HIVEP3: variants seen among roughly 807,000 people sequenced by gnomAD.
HIVEP3 encodes the protein HIVEP zinc finger 3.
Under a neutral mutation model 152.8 loss-of-function variants are expected in HIVEP3, and 49 were observed. That is an observed-to-expected ratio of 0.32 (90% CI 0.26 to 0.41). The LOEUF is 0.41. Ranked by LOEUF, HIVEP3 falls within the 10% of genes least tolerant of loss-of-function variation. The pLI, the probability that HIVEP3 is intolerant of heterozygous loss-of-function variation, is 1.00. For synonymous variants in HIVEP3, 1,269 were observed against 1,289.0 expected (o/e 0.98, Z 0.33); for missense variants, 2,790 against 3,103.3 (o/e 0.90, Z 2.40).
chr1:41,724,220 G>A (rs950002067), intron 1 of HIVEP3, among the ~76,000 whole-genome samples: 4 of 152,148 alleles, frequency 2.6e-5, no homozygotes, highest in Non-Finnish European at 5.9e-5. Flanking sequence ...ATAAACTCTA[G>A]GTTAAAAGTG....
intron 1 of HIVEP3, among the ~76,000 whole-genome samples, chr1:41,872,296 C>G (rs979273268): frequency 1.3e-5 from 2 of 152,106 alleles, no homozygotes; most frequent in Non-Finnish European, 2.9e-5. Flanking sequence ...TACAGAGTGG[C>G]GGGATTGGTT....
At chr1:41,813,722 AAGG>A (rs1651100769) in intron 1 of HIVEP3, among the ~76,000 whole-genome samples, 1 of 152,180 alleles carries the variant, frequency 6.6e-6, no homozygotes, top group Non-Finnish European at 1.5e-5. Context: ...GAGACCATTA[AAGG>A]AGAAGAGCTG....
rs746484875 is a variant in HIVEP3, at chr1:41,580,114, G to A, written c.4684C>T (p.Leu1562Phe). The A allele has an allele frequency of 5.6e-6, 9 of 1,614,230 alleles. 1 individual carries two copies. In the South Asian group the frequency reaches 8.8e-5, roughly 16 times the overall value. Residue 1562 changes from leucine (L) to phenylalanine (F), a missense_variant, in exon 4 of 9, where the codon CTC (leucine) becomes TTC (phenylalanine). Physicochemically the swap from Leu to Phe is conservative, Grantham distance 22. Transcript: ENST00000372583. ...GAGCTCGGAGGTGCCAAGGAGGGGA[G>A]ATCAGGTTGTTCCTTGGAATCTTCT... Reference protein sequence around the residue: ...KKEDSKEQPDLPSLAPPSSLP... With the variant: ...KKEDSKEQPDFPSLAPPSSLP...
At chr1:41,955,501 A>G (rs980880344) in intron 1 of HIVEP3, among the ~76,000 whole-genome samples, 1 of 152,184 alleles carries the variant, frequency 6.6e-6, no homozygotes, top group Non-Finnish European at 1.5e-5. Context: ...CACACAAAAA[A>G]AAACCCCTCA....
intron 5 of HIVEP3, among the ~76,000 whole-genome samples, chr1:41,540,537 G>A (rs1643504398): frequency 6.6e-6 from 1 of 152,136 alleles, no homozygotes; most frequent in Admixed American, 6.5e-5. Context: ...GATAGAGAAG[G>A]CATTCTAATT....
intron 2 of HIVEP3, among the ~76,000 whole-genome samples, chr1:41,681,469 G>C (rs1646037785): frequency 6.6e-6 from 1 of 152,214 alleles, no homozygotes; most frequent in Admixed American, 6.5e-5. Context: ...GAACTAAAAT[G>C]AGATGTGCCC....
chr1:42,023,894 TATCCATGA>T (rs1645568217), intron 1 of HIVEP3, among the ~76,000 whole-genome samples: 1 of 152,240 alleles, frequency 6.6e-6, no homozygotes, highest in Admixed American at 6.5e-5. Context: ...TTTCATGTCA[TATCCATGA>T]ATCCCAGTAC....
chr1:42,032,263 G>A (rs1269511398), intron 1 of HIVEP3, among the ~76,000 whole-genome samples: 1 of 152,154 alleles, frequency 6.6e-6, no homozygotes, highest in Non-Finnish European at 1.5e-5. Flanking sequence ...TTCCAATTCT[G>A]TATTTAAGAC....
At chr1:41,900,386 A>G (rs1644600657) in intron 1 of HIVEP3, among the ~76,000 whole-genome samples, 1 of 152,214 alleles carries the variant, frequency 6.6e-6, no homozygotes, top group African/African-American at 2.4e-5. Flanking sequence ...CATCCAGTGG[A>G]GGGAAGAGGA....
chr1:41,690,619 C>T (rs1389550108), intron 2 of HIVEP3, among the ~76,000 whole-genome samples: 1 of 152,162 alleles, frequency 6.6e-6, no homozygotes, highest in Non-Finnish European at 1.5e-5. Flanking sequence ...ATATTGTTGG[C>T]TGAAAGCATG....
At chr1:42,009,932 A>AAAAC (rs903711340) in intron 1 of HIVEP3, among the ~76,000 whole-genome samples, 4 of 152,170 alleles carry the variant, frequency 2.6e-5, no homozygotes, top group Admixed American at 6.5e-5. Flanking sequence ...TGTCCTTTTA[A>AAAAC]AAACAAACAA....
At position 41,510,751 on chromosome 1, in the gene HIVEP3, G is replaced by T. The variant is rs74943337; in HGVS notation, c.6921C>A (p.Ser2307Arg). Reference sequence around the variant, plus strand: ...GCAAGGTGTCGGGTGGGGTGCAGGGGCTGTGCGTGGGTGTGGGCTCTGCAG... The same window carrying T: ...GCAAGGTGTCGGGTGGGGTGCAGGGTCTGTGCGTGGGTGTGGGCTCTGCAG... ...GAPAEPTPTHSPCTPPDTLPR... is the reference protein window; with the variant it reads ...GAPAEPTPTHRPCTPPDTLPR... The change falls in exon 9 of 9, where the codon AGC becomes AGA. Residue 2307 changes from serine (S) to arginine (R), a missense_variant. By Grantham distance (110) the Ser-to-Arg change is moderately radical. This residue lies in a region of HIVEP3 where 816 missense variants were observed against 806.5 expected (regional missense o/e 1.01). Coordinates refer to ENST00000372583, the MANE Select transcript of HIVEP3 (RefSeq NM_024503.5). 313 of 1,581,916 alleles carry T rather than the reference G, an allele frequency of 2.0e-4. 1 individual carries two copies. In the African/African-American group the frequency reaches 3.6e-3, roughly 18 times the overall value.
At chr1:41,570,222 T>C (rs951711915) in intron 5 of HIVEP3, among the ~76,000 whole-genome samples, 2 of 152,010 alleles carry the variant, frequency 1.3e-5, no homozygotes, top group African/African-American at 4.8e-5. Flanking sequence ...CTGAAGATGG[T>C]GAGAAAGTGT....
intron 1 of HIVEP3, among the ~76,000 whole-genome samples, chr1:41,985,379 A>T (rs186679950): frequency 1.3e-5 from 2 of 152,322 alleles, no homozygotes; most frequent in Admixed American, 1.3e-4. Context: ...ATTATTTCTC[A>T]GAGTTGTGGA....
rs534170668 is a variant in HIVEP3, at chr1:41,805,938, C to A, written c.-800-104943G>T. ...ACATCTCCTCTGTAAAGCTCATGCA[C>A]CCAGGTCCTGAGCCTGATTCCCCCC... On this transcript the variant is annotated intron_variant, in intron 1 of 8. Transcript: ENST00000372583. Among the ~76,000 whole-genome samples, 13 of 152,266 alleles carry A rather than the reference C, an allele frequency of 8.5e-5. No individual in the cohort carries two copies. In the South Asian group the frequency reaches 2.3e-3, roughly 27 times the overall value.
rs1184964439 is a variant in HIVEP3, at chr1:41,758,206, T to C, written c.-800-57211A>G. Among the ~76,000 whole-genome samples, 4 of 152,020 alleles carry C rather than the reference T, an allele frequency of 2.6e-5. No homozygotes were observed. In the South Asian group the frequency reaches 6.2e-4, roughly 24 times the overall value. On this transcript the variant is annotated intron_variant, in intron 1 of 8. Coordinates refer to ENST00000372583, the MANE Select transcript of HIVEP3 (RefSeq NM_024503.5). The stretch of plus-strand genomic sequence containing the variant: ...AGGTTTTGGTGGGGTCTGAAGACCA[T>C]TCCCAGGGCTCTGGTGTGAGGGACA...
intron 1 of HIVEP3, among the ~76,000 whole-genome samples, chr1:41,912,852 G>T (rs930114096): frequency 6.6e-6 from 1 of 152,224 alleles, no homozygotes; most frequent in East Asian, 1.9e-4. Flanking sequence ...CAGGGAATTG[G>T]GGGGAGTTTG....
At chr1:41,577,412 G>A (rs1002269749) in intron 4 of HIVEP3, among the ~76,000 whole-genome samples, 1 of 152,186 alleles carries the variant, frequency 6.6e-6, no homozygotes, top group Non-Finnish European at 1.5e-5. Flanking sequence ...AGTAGGTAAG[G>A]TAGTGGGATT....
intron 1 of HIVEP3, among the ~76,000 whole-genome samples, chr1:41,774,179 A>G (rs1320627446): frequency 6.6e-6 from 1 of 152,206 alleles, no homozygotes; most frequent in African/African-American, 2.4e-5. Flanking sequence ...GCAACAAGAG[A>G]ACAGCGTGTC....
Sources: allele counts gnomAD v4.1 joint callset (sites outside exome capture counted in the v4.1 genomes callset), GRCh38; gene constraint gnomAD v4.1.1; regional missense constraint gnomAD v4.1.1; transcripts MANE v1.5; gene names NCBI Gene and HGNC (gene_info 2026-07-23, HGNC 2026-07-21).